Variants in OR51T1 observed in about 807,000 individuals in gnomAD.
OR51T1 encodes olfactory receptor family 51 subfamily T member 1.
For missense variants in OR51T1, 439 were observed against 398.5 expected (o/e 1.10, Z -0.87); for synonymous variants, 188 against 152.6 (o/e 1.23, Z -1.71).
chr11:4,882,595 C>T lies in OR51T1; in HGVS notation c.696C>T (p.Ala232=), dbSNP rs1421985375. Residue 232 remains alanine (A), a synonymous_variant, in exon 1 of 1, where the codon GCC becomes GCT. Coordinates refer to ENST00000322049, the MANE Select transcript of OR51T1 (RefSeq NM_001004759.3). ...TCCGTACTGTTCTGGGCATTGTGGC[C>T]CGAAAGAAGCAACAAAAAGCTCTCA... is the stretch of plus-strand genomic sequence containing the variant. ...LILRTVLGIV[A]RKKQQKALST... is the part of the protein sequence containing the mutation. 1 of 1,613,748 alleles carries T rather than the reference C, an allele frequency of 6.2e-7. No homozygotes were observed.
In OR51T1 at chr11:4,882,731, T is replaced by C. The variant is rs145782471; in HGVS notation, c.832T>C (p.Leu278=). The change falls in exon 1 of 1, where the codon TTG becomes CTG. Residue 278 remains leucine, a synonymous_variant. Transcript: ENST00000322049. ...CACCCCAAGGGTGCTCTGTAGCACT[T>C]TGGCCAATATTTATCTGCTCTTACC... ...HSTPRVLCST[L]ANIYLLLPPV... is the part of the protein sequence containing the mutation. 810 of 1,613,906 alleles carry C rather than the reference T, an allele frequency of 5.0e-4. 5 individuals carry two copies. The African/African-American group carries it at 8.7e-3, about 17-fold the overall frequency.
rs1211793024 is a variant in OR51T1 at position 4,882,343 on chromosome 11, G to T, written c.444G>T (p.Leu148=). Residue 148 remains leucine, a synonymous_variant, in exon 1 of 1, where the codon CTG becomes CTT. Transcript: ENST00000322049. ...ACAGGATGGTCCTGGTGATAGGGCTGGTCATCTGCATTAGACCAGCAGTTT... is the reference window on the plus strand; with the variant it reads ...ACAGGATGGTCCTGGTGATAGGGCTTGTCATCTGCATTAGACCAGCAGTTT... ...LTDRMVLVIG[L]VICIRPAVFL... 14 of 1,613,890 alleles carry T rather than the reference G, an allele frequency of 8.7e-6. No homozygotes were observed. Among genetic ancestry groups the T allele is most frequent in the Non-Finnish European group, 1.2e-5 (14 of 1,179,944 alleles).
In OR51T1 at chr11:4,882,215, G is replaced by T. The variant is rs374576481; in HGVS notation, c.316G>T (p.Val106Leu). The T allele has an allele frequency of 1.2e-5, 20 of 1,613,888 alleles. No homozygotes were observed. The Admixed American group carries it at 1.3e-4, about 11-fold the overall frequency. Reference protein sequence around the residue: ...FKACFIQMFFVHAFSLLESSV... With the variant: ...FKACFIQMFFLHAFSLLESSV... ...AGCTTGCTTCATTCAAATGTTCTTTGTGCATGCTTTCTCCTTGCTGGAGTC... is the reference window on the plus strand; with the variant it reads ...AGCTTGCTTCATTCAAATGTTCTTTTTGCATGCTTTCTCCTTGCTGGAGTC... The change falls in exon 1 of 1, where the codon GTG (valine) becomes TTG (leucine). Residue 106 changes from valine (V) to leucine (L), a missense_variant. By Grantham distance (32) the Val-to-Leu change is conservative. Coordinates refer to ENST00000322049, the MANE Select transcript of OR51T1 (RefSeq NM_001004759.3).
chr11:4,882,560 G>A lies in OR51T1; in HGVS notation c.661G>A (p.Val221Ile), dbSNP rs763704073. The change falls in exon 1 of 1, where the codon GTC (valine) becomes ATC (isoleucine). Residue 221 changes from valine (V) to isoleucine (I), a missense_variant. Coordinates refer to ENST00000322049, the MANE Select transcript of OR51T1 (RefSeq NM_001004759.3). The part of the protein sequence containing the change: ...TDVLFILFSY[V>I]LILRTVLGIV... ...CGTATTGTTTATTCTTTTCTCCTATGTCCTGATCCTCCGTACTGTTCTGGG... is the reference window on the plus strand; with the variant it reads ...CGTATTGTTTATTCTTTTCTCCTATATCCTGATCCTCCGTACTGTTCTGGG... 2 of 1,613,810 alleles carry A rather than the reference G, an allele frequency of 1.2e-6. No individual in the cohort carries two copies. Among genetic ancestry groups the A allele is most frequent in the Admixed American group, 3.3e-5 (2 of 59,970 alleles).
In OR51T1 at chr11:4,882,398, ACT is replaced by A. The variant is rs1850484183; in HGVS notation, c.500_501del (p.Thr167SerfsTer45). ...FLLPLLVAIN[T>X]VSFHGGHELS... ...ACTTCCCCTTCTTGTAGCCATAAAC[ACT>A]GTGTCTTTTCATGGGGGTCACGAGC... On this transcript the variant is annotated frameshift_variant, in exon 1 of 1. Coordinates refer to ENST00000322049, the MANE Select transcript of OR51T1 (RefSeq NM_001004759.3). LOFTEE classifies it low-confidence loss of function (END_TRUNC). 6.2e-7 allele frequency: 1 copy of A among 1,613,748 alleles called. No homozygotes were observed. The highest frequency in any genetic ancestry group is 8.5e-7 in the Non-Finnish European group (1 of 1,179,944).
In OR51T1 at chr11:4,882,789, A is replaced by G. The variant is rs778772863; in HGVS notation, c.890A>G (p.Lys297Arg). 6.2e-7 allele frequency: 1 copy of G among 1,613,880 alleles called. No individual in the cohort carries two copies. The highest frequency in any genetic ancestry group is 8.5e-7 in the Non-Finnish European group (1 of 1,179,898). ...CTGAACCCTATCATTTACAGCTTGA[A>G]GACCAAGACAATCCGCCAGGCTATG... Reference protein sequence around the residue: ...PVLNPIIYSLKTKTIRQAMFQ... With the variant: ...PVLNPIIYSLRTKTIRQAMFQ... The change falls in exon 1 of 1, where the codon AAG becomes AGG. Residue 297 changes from lysine to arginine, a missense_variant. Physicochemically the swap from Lys to Arg is conservative, Grantham distance 26 (BLOSUM62 2). Coordinates refer to ENST00000322049, the MANE Select transcript of OR51T1 (RefSeq NM_001004759.3).
In OR51T1 at chr11:4,882,878, G is replaced by T; in HGVS notation, c.979G>T (p.Asp327Tyr). The T allele has an allele frequency of 1.9e-6, 3 of 1,609,738 alleles. No homozygotes were observed. Among genetic ancestry groups the T allele is most frequent in the East Asian group, 2.2e-5 (1 of 44,756 alleles). ...FNVRGLRGRW[D>Y] ...TGTGAGGGGTCTTAGGGGAAGATGGGATTGAAGGTAGGAAATTGTCAGGAC... is the reference window on the plus strand; with the variant it reads ...TGTGAGGGGTCTTAGGGGAAGATGGTATTGAAGGTAGGAAATTGTCAGGAC... The change falls in exon 1 of 1, where the codon GAT (aspartate) becomes TAT (tyrosine). Residue 327 changes from aspartate (D) to tyrosine (Y), a missense_variant. Physicochemically the swap from Asp to Tyr is radical, Grantham distance 160. Coordinates refer to ENST00000322049, the MANE Select transcript of OR51T1 (RefSeq NM_001004759.3).
Position 4,882,294 on chromosome 11 carries a change from T to G in OR51T1, c.395T>G (p.Leu132Arg), listed in dbSNP as rs1429589197. Residue 132 changes from leucine (L) to arginine (R), a missense_variant, in exon 1 of 1, where the codon CTG (leucine) becomes CGG (arginine). By Grantham distance (102) the Leu-to-Arg change is moderately radical. Coordinates refer to ENST00000322049, the MANE Select transcript of OR51T1 (RefSeq NM_001004759.3). The stretch of plus-strand genomic sequence containing the variant: ...CGCTTCGTGGCTATCTGTAACCCAC[T>G]GAACTATGCTACTATCCTCACAGAC... Reference protein sequence around the residue: ...FDRFVAICNPLNYATILTDRM... With the variant: ...FDRFVAICNPRNYATILTDRM... 4 of 1,614,018 alleles carry G rather than the reference T, an allele frequency of 2.5e-6. No individual in the cohort carries two copies. The South Asian group carries it at 3.3e-5, about 13-fold the overall frequency.
In OR51T1 at chr11:4,882,854, G is replaced by T; in HGVS notation, c.955G>T (p.Val319Leu). ...LQSKGSWGFN[V>L]RGLRGRWD Reference sequence around the variant, plus strand: ...ATCCAAGGGTTCATGGGGTTTTAATGTGAGGGGTCTTAGGGGAAGATGGGA... The same window carrying T: ...ATCCAAGGGTTCATGGGGTTTTAATTTGAGGGGTCTTAGGGGAAGATGGGA... The change falls in exon 1 of 1, where the codon GTG becomes TTG. Residue 319 changes from valine to leucine, a missense_variant. Physicochemically the swap from Val to Leu is conservative, Grantham distance 32. Transcript: ENST00000322049. The T allele has an allele frequency of 6.2e-7, 1 of 1,613,618 alleles. No homozygotes were observed. Among genetic ancestry groups the T allele is most frequent in the Non-Finnish European group, 8.5e-7 (1 of 1,179,746 alleles).
rs979936942 is a variant in OR51T1 at position 4,882,138 on chromosome 11, T to C, written c.239T>C (p.Leu80Pro). 1.9e-6 allele frequency: 3 copies of C among 1,613,968 alleles called. No individual in the cohort carries two copies. The highest frequency in any genetic ancestry group is 2.5e-6 in the Non-Finnish European group (3 of 1,179,920). ...GATCTATGTCTGACCATTACGACCCTTCCCACTGTGCTTGGTGTTCTCTGG... is the reference window on the plus strand; with the variant it reads ...GATCTATGTCTGACCATTACGACCCCTCCCACTGTGCTTGGTGTTCTCTGG... ...AVDLCLTITT[L>P]PTVLGVLWFH... The change falls in exon 1 of 1, where the codon CTT becomes CCT. Residue 80 changes from leucine to proline, a missense_variant. Transcript: ENST00000322049.
rs1248277778 is a variant in OR51T1 at position 4,882,197 on chromosome 11, T to G, written c.298T>G (p.Phe100Val). The change falls in exon 1 of 1, where the codon TTC (phenylalanine) becomes GTC (valine). Residue 100 changes from phenylalanine (F) to valine (V), a missense_variant. By Grantham distance (50) the Phe-to-Val change is conservative. Coordinates refer to ENST00000322049, the MANE Select transcript of OR51T1 (RefSeq NM_001004759.3). ...HAREISFKAC[F>V]IQMFFVHAFS... ...CCGGGAGATCAGCTTTAAAGCTTGC[T>G]TCATTCAAATGTTCTTTGTGCATGC... is the stretch of plus-strand genomic sequence containing the variant. 1 of 1,613,986 alleles carries G rather than the reference T, an allele frequency of 6.2e-7. No individual in the cohort carries two copies. Among genetic ancestry groups the G allele is most frequent in the African/African-American group, 1.3e-5 (1 of 75,030 alleles).
At position 4,882,773 on chromosome 11, in the gene OR51T1, A is replaced by G. The variant is rs376789195; in HGVS notation, c.874A>G (p.Ile292Val). 1.2e-5 allele frequency: 19 copies of G among 1,613,760 alleles called. No individual in the cohort carries two copies. Among genetic ancestry groups the G allele is most frequent in the Non-Finnish European group, 1.4e-5 (16 of 1,179,878 alleles). Residue 292 changes from isoleucine (I) to valine (V), a missense_variant, in exon 1 of 1, where the codon ATC becomes GTC. Physicochemically the swap from Ile to Val is conservative, Grantham distance 29 (BLOSUM62 3). Coordinates refer to ENST00000322049, the MANE Select transcript of OR51T1 (RefSeq NM_001004759.3). ...YLLLPPVLNP[I>V]IYSLKTKTIR... Reference sequence around the variant, plus strand: ...GCTCTTACCACCTGTGCTGAACCCTATCATTTACAGCTTGAAGACCAAGAC... The same window carrying G: ...GCTCTTACCACCTGTGCTGAACCCTGTCATTTACAGCTTGAAGACCAAGAC...
Position 4,882,118 on chromosome 11 carries a change from A to G in OR51T1, c.219A>G (p.Leu73=), listed in dbSNP as rs772401616. The G allele has an allele frequency of 1.2e-6, 2 of 1,613,894 alleles. No individual in the cohort carries two copies. Among genetic ancestry groups the G allele is most frequent in the South Asian group, 1.1e-5 (1 of 91,084 alleles). ...YFLSMLAAVD[L]CLTITTLPTV... is the part of the protein sequence containing the mutation. ...TCTCCATGCTGGCAGCTGTTGATCTATGTCTGACCATTACGACCCTTCCCA... is the reference window on the plus strand; with the variant it reads ...TCTCCATGCTGGCAGCTGTTGATCTGTGTCTGACCATTACGACCCTTCCCA... The change falls in exon 1 of 1, where the codon CTA becomes CTG. Residue 73 remains leucine, a synonymous_variant. Coordinates refer to ENST00000322049, the MANE Select transcript of OR51T1 (RefSeq NM_001004759.3).
rs756743966 is a variant in OR51T1 at position 4,882,868 on chromosome 11, G to A, written c.969G>A (p.Arg323=). ...GGGGTTTTAATGTGAGGGGTCTTAG[G>A]GGAAGATGGGATTGAAGGTAGGAAA... ...GSWGFNVRGL[R]GRWD Residue 323 remains arginine, a synonymous_variant, in exon 1 of 1, where the codon AGG becomes AGA. Coordinates refer to ENST00000322049, the MANE Select transcript of OR51T1 (RefSeq NM_001004759.3). 1.2e-6 allele frequency: 2 copies of A among 1,612,246 alleles called. No individual in the cohort carries two copies. The highest frequency in any genetic ancestry group is 8.5e-7 in the Non-Finnish European group (1 of 1,178,914).
rs143185351 is a variant in OR51T1 at position 4,882,274 on chromosome 11, C to A, written c.375C>A (p.Phe125Leu). 5 of 1,613,978 alleles carry A rather than the reference C, an allele frequency of 3.1e-6. No homozygotes were observed. In the South Asian group the frequency reaches 4.4e-5, roughly 14 times the overall value. Reference sequence around the variant, plus strand: ...TGGTAGCCATGGCCTTTGACCGCTTCGTGGCTATCTGTAACCCACTGAACT... The same window carrying A: ...TGGTAGCCATGGCCTTTGACCGCTTAGTGGCTATCTGTAACCCACTGAACT... ...SVLVAMAFDR[F>L]VAICNPLNYA... is the part of the protein sequence containing the mutation. The change falls in exon 1 of 1, where the codon TTC (phenylalanine) becomes TTA (leucine). Residue 125 changes from phenylalanine to leucine, a missense_variant. Physicochemically the swap from Phe to Leu is conservative, Grantham distance 22. Coordinates refer to ENST00000322049, the MANE Select transcript of OR51T1 (RefSeq NM_001004759.3).
In OR51T1 at chr11:4,882,484, G is replaced by T; in HGVS notation, c.585G>T (p.Trp195Cys). ...EVIKYTYSKP[W>C]ISSFWGLFLQ... is the part of the protein sequence containing the mutation. The stretch of plus-strand genomic sequence containing the variant: ...TCAAATACACATATTCCAAACCTTG[G>T]ATCAGCAGTTTTTGGGGACTGTTTC... Residue 195 changes from tryptophan to cysteine, a missense_variant, in exon 1 of 1, where the codon TGG becomes TGT. Physicochemically the swap from Trp to Cys is radical, Grantham distance 215. Coordinates refer to ENST00000322049, the MANE Select transcript of OR51T1 (RefSeq NM_001004759.3). 1 of 1,613,676 alleles carries T rather than the reference G, an allele frequency of 6.2e-7. No individual in the cohort carries two copies. The highest frequency in any genetic ancestry group is 2.2e-5 in the East Asian group (1 of 44,842).
Position 4,882,150 on chromosome 11 carries a change from T to C in OR51T1, c.251T>C (p.Leu84Pro). 1 of 1,613,976 alleles carries C rather than the reference T, an allele frequency of 6.2e-7. No homozygotes were observed. The highest frequency in any genetic ancestry group is 8.5e-7 in the Non-Finnish European group (1 of 1,179,930). ...CLTITTLPTV[L>P]GVLWFHAREI... is the part of the protein sequence containing the mutation. ...ACCATTACGACCCTTCCCACTGTGC[T>C]TGGTGTTCTCTGGTTTCATGCCCGG... Residue 84 changes from leucine (L) to proline (P), a missense_variant, in exon 1 of 1, where the codon CTT (leucine) becomes CCT (proline). Coordinates refer to ENST00000322049, the MANE Select transcript of OR51T1 (RefSeq NM_001004759.3).
At position 4,882,241 on chromosome 11, in the gene OR51T1, C is replaced by T. The variant is rs544250874; in HGVS notation, c.342C>T (p.Ser114=). The T allele has an allele frequency of 6.2e-7, 1 of 1,613,950 alleles. No homozygotes were observed. The highest frequency in any genetic ancestry group is 2.2e-5 in the East Asian group (1 of 44,860). ...FFVHAFSLLE[S]SVLVAMAFDR... ...TGCATGCTTTCTCCTTGCTGGAGTCCTCGGTGCTGGTAGCCATGGCCTTTG... is the reference window on the plus strand; with the variant it reads ...TGCATGCTTTCTCCTTGCTGGAGTCTTCGGTGCTGGTAGCCATGGCCTTTG... The change falls in exon 1 of 1, where the codon TCC becomes TCT. Residue 114 remains serine, a synonymous_variant. Transcript: ENST00000322049.
At position 4,882,269 on chromosome 11, in the gene OR51T1, C is replaced by T. The variant is rs781697460; in HGVS notation, c.370C>T (p.Arg124Cys). 3.7e-5 allele frequency: 59 copies of T among 1,613,772 alleles called. No homozygotes were observed. The highest frequency in any genetic ancestry group is 2.9e-4 in the East Asian group (13 of 44,864). ...SSVLVAMAFDRFVAICNPLNY... is the reference protein window; with the variant it reads ...SSVLVAMAFDCFVAICNPLNY... ...GGTGCTGGTAGCCATGGCCTTTGAC[C>T]GCTTCGTGGCTATCTGTAACCCACT... The change falls in exon 1 of 1, where the codon CGC becomes TGC. Residue 124 changes from arginine (R) to cysteine (C), a missense_variant. By Grantham distance (180) the Arg-to-Cys change is radical. Coordinates refer to ENST00000322049, the MANE Select transcript of OR51T1 (RefSeq NM_001004759.3).
Sources: gnomAD v4.1 joint callset for allele counts on GRCh38, gnomAD v4.1.1 for gene constraint, MANE v1.5 for transcripts, NCBI Gene and HGNC (gene_info 2026-07-23, HGNC 2026-07-21) for gene names.